CRLF2: variants seen among roughly 807,000 people sequenced by gnomAD.
The protein encoded by CRLF2 is cytokine receptor-like factor 2.
A neutral mutation model predicts 38.7 loss-of-function variants in CRLF2; 41 were observed. The observed-to-expected ratio is 1.06, with a 90% CI of 0.83 to 1.37. The LOEUF is 1.37. Among genes scored for constraint, CRLF2 ranks in the 40% most tolerant of loss-of-function variants. The pLI is 0.00. For missense variants in CRLF2, 377 were observed against 322.2 expected, an observed-to-expected ratio of 1.17 and a Z score of -1.30; for synonymous variants, 140 against 128.8, an observed-to-expected ratio of 1.09 and a Z score of -0.59.
intron 4 of CRLF2, 50 bp from the exon 5 acceptor site, chrX:1,198,774 C>CACA: frequency 7.4e-7 from 1 of 1,358,942 alleles, no homozygotes; most frequent in Non-Finnish European, 1.0e-6. Context: ...CACACACACA[C>CACA]ACACACACAA....
At chrX:1,196,332 T>A (rs1483737158) in intron 6 of CRLF2, among the ~76,000 whole-genome samples, 1 of 150,770 alleles carries the variant, frequency 6.6e-6, no homozygotes, top group African/African-American at 2.4e-5. Flanking sequence ...GGATTACAGG[T>A]GCACGCCACC....
intron 3 of CRLF2, among the ~76,000 whole-genome samples, chrX:1,204,174 G>T (rs2147845068): frequency 6.6e-6 from 1 of 151,452 alleles, no homozygotes; most frequent in African/African-American, 2.4e-5. Context: ...GTGTGTGTGT[G>T]TGTGTGTAGG....
intron 5 of CRLF2, among the ~76,000 whole-genome samples, chrX:1,197,629 T>C (rs189670613): frequency 1.3e-5 from 2 of 151,512 alleles, no homozygotes; most frequent in East Asian, 2.0e-4. Flanking sequence ...GCCTGGCCAA[T>C]ATGGGGAAAC....
intron 1 of CRLF2, among the ~76,000 whole-genome samples, chrX:1,210,697 T>C (rs1466619517): frequency 6.6e-6 from 1 of 152,166 alleles, no homozygotes; most frequent in Non-Finnish European, 1.5e-5. Flanking sequence ...AGTGGAGGTA[T>C]CTGGAGGATA....
chrX:1,192,214 A>AAAAC (rs1262579031), intron 7 of CRLF2, among the ~76,000 whole-genome samples: 2 of 137,622 alleles, frequency 1.5e-5, no homozygotes, highest in African/African-American at 2.6e-5. Context: ...CAAAAAAAAA[A>AAAAC]AAAAAACAAA....
chrX:1,204,750 C>G, intron 3 of CRLF2, among the ~76,000 whole-genome samples: 1 of 151,322 alleles, frequency 6.6e-6, no homozygotes, highest in Non-Finnish European at 1.5e-5. Flanking sequence ...TGGTCTCGAA[C>G]TCCAGACCTC....
intron 3 of CRLF2, 119 bp from the exon 4 acceptor site, chrX:1,202,654 G>A (rs1443890994): frequency 2.7e-5 from 32 of 1,179,644 alleles, no homozygotes; most frequent in South Asian, 9.2e-5. Flanking sequence ...ATGGTGTCTC[G>A]GGGTTCACCC....
intron 1 of CRLF2, 140 bp downstream of exon 1, chrX:1,212,416 C>CAG (rs113332377): frequency 0.058 from 32,632 of 563,624 alleles, 1,367 homozygotes; most frequent in African/African-American, 0.19. Flanking sequence ...TGCTTGAACC[C>CAG]GGAAAAAAAA....
chrX:1,198,868 G>A (rs2086550555), intron 4 of CRLF2, 144 bp from the exon 5 acceptor site: 1 of 819,322 alleles, frequency 1.2e-6, no homozygotes, highest in Non-Finnish European at 2.0e-6. Flanking sequence ...GAGCCGCGAG[G>A]CCGGACACAG....
chrX:1,195,819 A>ATATAT (rs2086463844), intron 6 of CRLF2, among the ~76,000 whole-genome samples: 2 of 139,996 alleles, frequency 1.4e-5, no homozygotes, highest in Non-Finnish European at 3.1e-5. Flanking sequence ...ATTAAATTAT[A>ATATAT]TATATTATAT....
At chrX:1,194,196 A>C (rs1261306837) in intron 6 of CRLF2, among the ~76,000 whole-genome samples, 2 of 152,084 alleles carry the variant, frequency 1.3e-5, no homozygotes, top group Non-Finnish European at 2.9e-5. Flanking sequence ...ATGTTGAGGC[A>C]GGAGAATCAC....
At chrX:1,192,357 C>T (rs1347971100) in intron 7 of CRLF2, among the ~76,000 whole-genome samples, 1 of 152,046 alleles carries the variant, frequency 6.6e-6, no homozygotes, top group Non-Finnish European at 1.5e-5. Flanking sequence ...GGCGCGGTGG[C>T]TCACGCCTGT....
intron 6 of CRLF2, among the ~76,000 whole-genome samples, chrX:1,195,772 A>ATG (rs1261044702): frequency 2.2e-5 from 3 of 135,908 alleles, no homozygotes; most frequent in African/African-American, 8.1e-5. Flanking sequence ...TATTATATAT[A>ATG]TATTTATATA....
intron 6 of CRLF2, among the ~76,000 whole-genome samples, chrX:1,196,206 G>C (rs867154668): frequency 1.1e-5 from 1 of 89,182 alleles, no homozygotes; most frequent in Non-Finnish European, 2.2e-5. Context: ...TTTTTTTTTT[G>C]AGACAGAGTC....
Position 1,191,340 on chromosome X carries a change from TCTTTCCTTCTTTCTTTCTTTC to T in CRLF2, c.853-201_853-181del, listed in dbSNP as rs2086374468. 1.4e-4 allele frequency among the ~76,000 whole-genome samples: 16 copies of T among 113,008 alleles called. 1 individual carries two copies. The highest frequency in any genetic ancestry group is 9.1e-4 in the East Asian group (3 of 3,304). The allele number at this position is 113,008 out of a possible 152,430, so 74.1% of individuals were successfully genotyped here. ...TTCTTTCTTTCTTTCTTTCTTTCTT[TCTTTCCTTCTTTCTTTCTTTC>T]CTTTCTTTCTCTTTCTTTCTTTCTC... is the stretch of plus-strand genomic sequence containing the variant. On this transcript the variant is annotated intron_variant, in intron 7 of 7. Transcript: ENST00000400841.
intron 5 of CRLF2, among the ~76,000 whole-genome samples, chrX:1,197,603 C>CAGG (rs1345549113): frequency 6.6e-6 from 1 of 151,850 alleles, no homozygotes; most frequent in Non-Finnish European, 1.5e-5. Context: ...ATCACAAGGT[C>CAGG]AGGAGTTCGA....
At chrX:1,210,390 T>C (rs140077113) in intron 1 of CRLF2, among the ~76,000 whole-genome samples, 14,250 of 152,088 alleles carry the variant, frequency 0.094, 868 homozygotes, top group Non-Finnish European at 0.13. Context: ...CCCGGCTCAC[T>C]GCAAGCTTTG....
At chrX:1,191,813 G>A (rs1269188793) in intron 7 of CRLF2, among the ~76,000 whole-genome samples, 8 of 151,862 alleles carry the variant, frequency 5.3e-5, no homozygotes, top group Non-Finnish European at 8.8e-5. Context: ...CCAAAGGTGC[G>A]AGCCACCGTG....
At position 1,196,763 on chromosome X, in the gene CRLF2, G is replaced by A. The variant is rs768027040; in HGVS notation, c.767+17C>T. On this transcript the variant is annotated intron_variant, in intron 6 of 7. Transcript: ENST00000400841. ...AAGCAGGTCCCTCCACCCACGGGCGGCAGGAGTCATCCTTACCTCCATAAT... is the reference window on the plus strand; with the variant it reads ...AAGCAGGTCCCTCCACCCACGGGCGACAGGAGTCATCCTTACCTCCATAAT... 3 of 1,612,168 alleles carry A rather than the reference G, an allele frequency of 1.9e-6. No homozygotes were observed. The highest frequency in any genetic ancestry group is 1.7e-5 in the Admixed American group (1 of 59,698).
Sources: gnomAD v4.1 joint callset for allele counts (sites outside exome capture counted in the v4.1 genomes callset) on GRCh38, gnomAD v4.1.1 for gene constraint, MANE v1.5 for transcripts, NCBI Gene and HGNC (gene_info 2026-07-23, HGNC 2026-07-21) for gene names.